The following ZNF804B variants were observed in gnomAD, a reference collection of about 807,000 sequenced individuals.
The protein encoded by ZNF804B is zinc finger protein 804B.
Under a neutral mutation model 101.4 loss-of-function variants are expected in ZNF804B, and 80 were observed. The observed-to-expected ratio is 0.79, with a 90% CI of 0.66 to 0.95. ZNF804B has a LOEUF of 0.95. Among genes scored for constraint, ZNF804B ranks in the 40% least tolerant of loss-of-function variants. ZNF804B has a pLI of 0.00. For missense variants in ZNF804B, 1,673 were observed against 1,561.9 expected, an observed-to-expected ratio of 1.07 and a Z score of -1.20; for synonymous variants, 622 against 558.8, an observed-to-expected ratio of 1.11 and a Z score of -1.59.
At chr7:89,055,693 G>T (rs1016783469) in intron 1 of ZNF804B, among the ~76,000 whole-genome samples, 1 of 152,062 alleles carries the variant, frequency 6.6e-6, no homozygotes, top group Non-Finnish European at 1.5e-5. Flanking sequence ...AGCTATTTAG[G>T]CAGGAAATTC....
At chr7:88,901,795 C>A (rs540459467) in intron 1 of ZNF804B, among the ~76,000 whole-genome samples, 1 of 151,960 alleles carries the variant, frequency 6.6e-6, no homozygotes, top group East Asian at 1.9e-4. Flanking sequence ...TTTGAATTCA[C>A]ATATAATATT....
chr7:88,773,459 A>G (rs1790098194), intron 1 of ZNF804B, among the ~76,000 whole-genome samples: 1 of 152,206 alleles, frequency 6.6e-6, no homozygotes, highest in Non-Finnish European at 1.5e-5. Flanking sequence ...ATTTTTTAAG[A>G]GTATATTGTC....
intron 2 of ZNF804B, among the ~76,000 whole-genome samples, chr7:89,312,984 T>C (rs1363859832): frequency 2.0e-5 from 3 of 152,242 alleles, no homozygotes; most frequent in African/African-American, 7.2e-5. Context: ...TCTAGATTAT[T>C]GTTAGTGATC....
At chr7:88,865,473 A>T (rs1000249479) in intron 1 of ZNF804B, among the ~76,000 whole-genome samples, 1 of 152,140 alleles carries the variant, frequency 6.6e-6, no homozygotes, top group African/African-American at 2.4e-5. Context: ...TCAAAGCTGT[A>T]GTGAGCTATG....
intron 1 of ZNF804B, among the ~76,000 whole-genome samples, chr7:89,097,486 G>T (rs1361909767): frequency 3.9e-5 from 6 of 152,190 alleles, no homozygotes; most frequent in Non-Finnish European, 8.8e-5. Context: ...CATTTTAAAT[G>T]AAGGCAAATA....
intron 1 of ZNF804B, among the ~76,000 whole-genome samples, chr7:88,854,476 T>TTTCGCTTTC (rs1554340148): frequency 2.1e-5 from 1 of 48,718 alleles, no homozygotes; most frequent in Non-Finnish European, 3.8e-5. Context: ...TCTTTCTTTC[T>TTTCGCTTTC]CTTTCCTTTC....
chr7:89,178,596 CT>C (rs1562906719), intron 1 of ZNF804B, among the ~76,000 whole-genome samples: 3 of 151,924 alleles, frequency 2.0e-5, no homozygotes, highest in African/African-American at 7.2e-5. Flanking sequence ...ACTTTTGTTT[CT>C]TTTTGTGTCT....
At chr7:88,902,017 G>T (rs1022968525) in intron 1 of ZNF804B, among the ~76,000 whole-genome samples, 4 of 151,810 alleles carry the variant, frequency 2.6e-5, no homozygotes, top group African/African-American at 9.7e-5. Flanking sequence ...TTTAAAAAAT[G>T]ATACATGCAA....
intron 1 of ZNF804B, among the ~76,000 whole-genome samples, chr7:88,788,041 G>T (rs535677810): frequency 7.4e-4 from 113 of 152,170 alleles, no homozygotes; most frequent in African/African-American, 2.6e-3. Context: ...TTGGAGAGTG[G>T]TTCATTTTAT....
chr7:89,193,441 T>A (rs989266204), intron 1 of ZNF804B, among the ~76,000 whole-genome samples: 1 of 151,138 alleles, frequency 6.6e-6, no homozygotes, highest in Non-Finnish European at 1.5e-5. Context: ...TAGGTATACA[T>A]CCTAATGCTA....
At chr7:88,850,613 A>G (rs1196879820) in intron 1 of ZNF804B, among the ~76,000 whole-genome samples, 1 of 152,152 alleles carries the variant, frequency 6.6e-6, no homozygotes, top group Non-Finnish European at 1.5e-5. Flanking sequence ...CCTAGACAAA[A>G]TGCCTAAGAA....
In ZNF804B at chr7:88,971,138, C is replaced by T. The variant is rs181022066; in HGVS notation, c.108+211054C>T. 5.3e-5 allele frequency among the ~76,000 whole-genome samples: 8 copies of T among 151,498 alleles called. No homozygotes were observed. The East Asian group carries it at 1.4e-3, about 26-fold the overall frequency. On this transcript the variant is annotated intron_variant, in intron 1 of 3. Transcript: ENST00000333190. ...AACAGCTAGCAGATGGTCTTAAAAG[C>T]CTAACCTATTTACTCTATAGCTCTT... is the stretch of plus-strand genomic sequence containing the variant.
intron 1 of ZNF804B, among the ~76,000 whole-genome samples, chr7:89,176,714 G>T: frequency 6.7e-6 from 1 of 149,670 alleles, no homozygotes; most frequent in South Asian, 2.1e-4. Context: ...GAGTAGGATT[G>T]GTATTAGTTC....
chr7:89,101,513 AAAG>A (rs900415938), intron 1 of ZNF804B, among the ~76,000 whole-genome samples: 6 of 152,008 alleles, frequency 3.9e-5, no homozygotes, highest in African/African-American at 1.4e-4. Context: ...TTAAGACTAT[AAAG>A]AAGTCTAACT....
chr7:89,304,206 T>C (rs868335004), intron 2 of ZNF804B, among the ~76,000 whole-genome samples: 24 of 151,956 alleles, frequency 1.6e-4, no homozygotes, highest in African/African-American at 5.3e-4. Context: ...TCCCAGTCTC[T>C]GTGGGACCAT....
At chr7:88,795,966 G>A (rs202246685) in intron 1 of ZNF804B, among the ~76,000 whole-genome samples, 30 of 151,892 alleles carry the variant, frequency 2.0e-4, no homozygotes, top group Middle Eastern at 3.4e-3. Flanking sequence ...CTTTTTTTCC[G>A]TTTGATAAAT....
intron 1 of ZNF804B, among the ~76,000 whole-genome samples, chr7:89,030,591 C>G (rs1311910580): frequency 6.6e-6 from 1 of 152,154 alleles, no homozygotes; most frequent in Non-Finnish European, 1.5e-5. Flanking sequence ...TGATTCTAAT[C>G]TGTCAAATAT....
intron 1 of ZNF804B, among the ~76,000 whole-genome samples, chr7:88,912,382 A>G (rs1336891244): frequency 6.6e-6 from 1 of 152,068 alleles, no homozygotes; most frequent in African/African-American, 2.4e-5. Flanking sequence ...TCATTTTCTT[A>G]AATTCTTAGG....
At chr7:89,175,728 T>G (rs1249367990) in intron 1 of ZNF804B, among the ~76,000 whole-genome samples, 1 of 152,062 alleles carries the variant, frequency 6.6e-6, no homozygotes, top group Non-Finnish European at 1.5e-5. Context: ...ACTTTCTGTG[T>G]CCTTTTCAAT....
Sources: allele counts gnomAD v4.1 joint callset (sites outside exome capture counted in the v4.1 genomes callset), GRCh38; gene constraint gnomAD v4.1.1; transcripts MANE v1.5; gene names NCBI Gene and HGNC (gene_info 2026-07-23, HGNC 2026-07-21).